Variants in SLC4A10 observed in about 807,000 individuals in gnomAD.
SLC4A10 encodes the protein solute carrier family 4 member 10.
A neutral mutation model predicts 137.7 loss-of-function variants in SLC4A10; 42 were observed. That is an observed-to-expected ratio of 0.30 (90% CI 0.24 to 0.39). The LOEUF is 0.39. Ranked by LOEUF, SLC4A10 falls within the 10% of genes least tolerant of loss-of-function variation. SLC4A10 has a pLI of 1.00. For missense variants in SLC4A10, 925 were observed against 1,355.0 expected (o/e 0.68, Z 4.98); for synonymous variants, 474 against 464.1 (o/e 1.02, Z -0.27).
intron 2 of SLC4A10, among the ~76,000 whole-genome samples, chr2:161,802,470 T>A (rs114373996): frequency 0.033 from 4,961 of 152,196 alleles, 223 homozygotes; most frequent in African/African-American, 0.1. Flanking sequence ...TAGAATTCAG[T>A]TATCCCTTTC....
chr2:161,841,655 G>C (rs1351024272), intron 4 of SLC4A10, among the ~76,000 whole-genome samples: 1 of 152,056 alleles, frequency 6.6e-6, no homozygotes, highest in Non-Finnish European at 1.5e-5. Flanking sequence ...GGTCTTTACA[G>C]CTCTCCTTTA....
intron 26 of SLC4A10, among the ~76,000 whole-genome samples, chr2:161,982,287 T>C (rs903262667): frequency 6.6e-6 from 1 of 152,144 alleles, no homozygotes; most frequent in Admixed American, 6.5e-5. Context: ...GTGCTGCAAG[T>C]ATCAGGGAGA....
At chr2:161,958,399 T>G in intron 20 of SLC4A10, 88 bp from the exon 21 acceptor site, 3 of 1,114,218 alleles carry the variant, frequency 2.7e-6, no homozygotes, top group Non-Finnish European at 4.0e-6. Context: ...CAAAAATGCC[T>G]TTTTTCCCTG....
chr2:161,946,317 A>G lies in SLC4A10; in HGVS notation c.2104-1249A>G, dbSNP rs567279815. On this transcript the variant is annotated intron_variant, in intron 16 of 26. Transcript: ENST00000446997. ...CAAGACTCTCAGGCTTAGGGTAGCT[A>G]GCAACTCCAAGTAGATTTTACTAGT... Among the ~76,000 whole-genome samples, 82 of 152,200 alleles carry G rather than the reference A, an allele frequency of 5.4e-4. 1 individual carries two copies. Among genetic ancestry groups the G allele is most frequent in the African/African-American group, 2.0e-3 (82 of 41,574 alleles).
chr2:161,894,909 T>G, intron 11 of SLC4A10, 84 bp downstream of exon 11: 2 of 768,120 alleles, frequency 2.6e-6, no homozygotes, highest in Non-Finnish European at 3.4e-6. Flanking sequence ...ATTTATTTAT[T>G]TATTTATTTT....
intron 15 of SLC4A10, among the ~76,000 whole-genome samples, chr2:161,913,320 G>T (rs936950828): frequency 6.6e-6 from 1 of 152,068 alleles, no homozygotes; most frequent in African/African-American, 2.4e-5. Flanking sequence ...GTAGTTTAAA[G>T]AGTTTAAAGA....
Position 161,774,661 on chromosome 2 carries a change from G to A in SLC4A10, c.130+3607G>A, listed in dbSNP as rs576907202. Reference sequence around the variant, plus strand: ...CTGTAGTCAATGAAGGCTTACAAAAGCCTAGCCCCCTTGCCTCAATATGAG... The same window carrying A: ...CTGTAGTCAATGAAGGCTTACAAAAACCTAGCCCCCTTGCCTCAATATGAG... On this transcript the variant is annotated intron_variant, in intron 2 of 26. Transcript: ENST00000446997. Among the ~76,000 whole-genome samples, 157 of 151,902 alleles carry A rather than the reference G, an allele frequency of 1.0e-3. 1 individual carries two copies. The highest frequency in any genetic ancestry group is 1.7e-3 in the Non-Finnish European group (118 of 67,874).
At chr2:161,794,454 T>C (rs185113257) in intron 2 of SLC4A10, among the ~76,000 whole-genome samples, 203 of 152,234 alleles carry the variant, frequency 1.3e-3, no homozygotes, top group Admixed American at 2.4e-3. Flanking sequence ...GTGATAGATA[T>C]ATTTCCATGT....
At chr2:161,927,571 A>G (rs1482423984) in intron 15 of SLC4A10, among the ~76,000 whole-genome samples, 1 of 152,240 alleles carries the variant, frequency 6.6e-6, no homozygotes, top group Non-Finnish European at 1.5e-5. Context: ...AACTACCATC[A>G]GAGTGAACAG....
At chr2:161,767,571 A>G (rs1369864883) in intron 1 of SLC4A10, among the ~76,000 whole-genome samples, 2 of 151,870 alleles carry the variant, frequency 1.3e-5, no homozygotes, top group African/African-American at 4.8e-5. Flanking sequence ...TGGGGGTTTT[A>G]ATTGTTTTTA....
At chr2:161,801,371 T>A (rs989775632) in intron 2 of SLC4A10, among the ~76,000 whole-genome samples, 1 of 152,010 alleles carries the variant, frequency 6.6e-6, no homozygotes, top group East Asian at 1.9e-4. Context: ...ATATATATAT[T>A]TTTGCTCTTT....
chr2:161,846,663 T>A (rs1420879330), intron 4 of SLC4A10, among the ~76,000 whole-genome samples: 1 of 152,200 alleles, frequency 6.6e-6, no homozygotes, highest in Admixed American at 6.5e-5. Flanking sequence ...AAACTACTGA[T>A]ACACACAATA....
At chr2:161,862,793 A>G in intron 5 of SLC4A10, 81 bp from the exon 6 acceptor site, 1 of 1,084,060 alleles carries the variant, frequency 9.2e-7, no homozygotes, top group Non-Finnish European at 1.2e-6. Flanking sequence ...TAGGGCTTGC[A>G]TATTTGGACT....
rs569737148 is a variant in SLC4A10 at position 161,891,803 on chromosome 2, C to T, written c.1195-2876C>T. 2.0e-4 allele frequency among the ~76,000 whole-genome samples: 30 copies of T among 152,116 alleles called. 1 individual carries two copies. The highest frequency in any genetic ancestry group is 3.4e-3 in the Middle Eastern group (1 of 294). On this transcript the variant is annotated intron_variant, in intron 10 of 26. Coordinates refer to ENST00000446997, the MANE Select transcript of SLC4A10 (RefSeq NM_001178015.2). The stretch of plus-strand genomic sequence containing the variant: ...CTTCTGAAGCCTACTTCTGTCAATT[C>T]GTCAAACTCATTCTCCATCCAGTTT...
At chr2:161,898,174 A>G (rs2063715518) in intron 11 of SLC4A10, among the ~76,000 whole-genome samples, 1 of 152,162 alleles carries the variant, frequency 6.6e-6, no homozygotes, top group South Asian at 2.1e-4. Context: ...GCACTGTCCA[A>G]CAGAGTTTTC....
At chr2:161,960,637 T>C (rs1045225417) in intron 21 of SLC4A10, among the ~76,000 whole-genome samples, 2 of 151,520 alleles carry the variant, frequency 1.3e-5, no homozygotes, top group Non-Finnish European at 2.9e-5. Context: ...GAAGAATTAC[T>C]TGAACCCGGG....
At chr2:161,780,397 T>C (rs1322232928) in intron 2 of SLC4A10, among the ~76,000 whole-genome samples, 1 of 151,998 alleles carries the variant, frequency 6.6e-6, no homozygotes, top group Admixed American at 6.6e-5. Context: ...CTTCAACCAA[T>C]GTACATTTCT....
intron 2 of SLC4A10, among the ~76,000 whole-genome samples, chr2:161,775,112 G>A (rs1004322666): frequency 9.2e-5 from 14 of 151,752 alleles, no homozygotes; most frequent in African/African-American, 3.4e-4. Context: ...GCTTTTAAAG[G>A]CCTAAATTAT....
At chr2:161,894,204 T>A (rs531133512) in intron 10 of SLC4A10, among the ~76,000 whole-genome samples, 1 of 152,192 alleles carries the variant, frequency 6.6e-6, no homozygotes, top group Admixed American at 6.6e-5. Context: ...TGACTATATA[T>A]CCAGAAAATA....
Sources: allele counts gnomAD v4.1 joint callset (sites outside exome capture counted in the v4.1 genomes callset), GRCh38; gene constraint gnomAD v4.1.1; transcripts MANE v1.5; gene names NCBI Gene and HGNC (gene_info 2026-07-23, HGNC 2026-07-21).